Variants in G6PC3 observed in about 807,000 individuals in gnomAD.
The protein encoded by G6PC3 is glucose-6-phosphatase catalytic subunit 3.
Under a neutral mutation model 38.6 loss-of-function variants are expected in G6PC3, and 30 were observed. That is an observed-to-expected ratio of 0.78 (90% CI 0.58 to 1.05). The LOEUF is 1.05. Ranked by LOEUF, G6PC3 falls within the 50% of genes least tolerant of loss-of-function variation. The pLI is 0.00. For missense variants in G6PC3, 377 were observed against 443.1 expected (o/e 0.85, Z 1.34); for synonymous variants, 192 against 178.1 (o/e 1.08, Z -0.62).
Position 44,076,063 on chromosome 17 carries a change from T to G in G6PC3, c.*20T>G. The G allele has an allele frequency of 6.2e-7, 1 of 1,611,082 alleles. No homozygotes were observed. Among genetic ancestry groups the G allele is most frequent in the South Asian group, 1.1e-5 (1 of 91,018 alleles). ...TCCTGACTTCTTGTGTGCCTCCCTT[T>G]CCTTTCCCTCCCACAAAGCCAACAC... On this transcript the variant is annotated 3_prime_UTR_variant, in exon 6 of 6. Coordinates refer to ENST00000269097, the MANE Select transcript of G6PC3 (RefSeq NM_138387.4).
intron 5 of G6PC3, 102 bp downstream of exon 5, chr17:44,075,553 TACCTATTC>T: frequency 6.3e-7 from 1 of 1,597,378 alleles, no homozygotes; most frequent in Admixed American, 1.7e-5. Context: ...AAGGACACAT[TACCTATTC>T]ACATAGACCC....
chr17:44,073,949 A>AT, intron 1 of G6PC3: 1 of 598,432 alleles, frequency 1.7e-6, no homozygotes, highest in Non-Finnish European at 3.0e-6. Flanking sequence ...GAAAAAAAAA[A>AT]GAAAAGAAAT....
chr17:44,070,791 G>A lies in G6PC3; in HGVS notation c.-175G>A. ...AGGAAACAGTACCGGCTGGAGGCCG[G>A]TCTTGCAGGAGCGGGGGACTGCTGG... On this transcript the variant is annotated 5_prime_UTR_variant, in exon 1 of 6. Transcript: ENST00000269097. 1 of 718,816 alleles carries A rather than the reference G, an allele frequency of 1.4e-6. No homozygotes were observed. Among genetic ancestry groups the A allele is most frequent in the Non-Finnish European group, 2.4e-6 (1 of 410,730 alleles). The allele number at this position is 718,816 out of a possible 1,614,324, so 44.5% of individuals were successfully genotyped here.
rs75887218 is a variant in G6PC3 at position 44,075,523 on chromosome 17, C to G, written c.677+72C>G. Reference sequence around the variant, plus strand: ...CGCCTGCACCTAGCCTGGTGTGTCTCTGGTTCATTATAGCTAAAAAAGGAC... The same window carrying G: ...CGCCTGCACCTAGCCTGGTGTGTCTGTGGTTCATTATAGCTAAAAAAGGAC... On this transcript the variant is annotated intron_variant, in intron 5 of 5. Coordinates refer to ENST00000269097, the MANE Select transcript of G6PC3 (RefSeq NM_138387.4). The G allele has an allele frequency of 1.8e-3, 2,891 of 1,607,304 alleles. 51 individuals are homozygous for G. In the African/African-American group the frequency reaches 0.034, roughly 19 times the overall value.
intron 1 of G6PC3, chr17:44,071,569 T>C (rs2049979090): frequency 2.2e-6 from 2 of 923,858 alleles, no homozygotes; most frequent in Non-Finnish European, 3.0e-6. Context: ...TAGTGGAGAG[T>C]CCTACCTCTC....
rs2144134939 is a variant in G6PC3, at chr17:44,071,010, A to G, written c.45A>G (p.Leu15=). Residue 15 remains leucine (L), a synonymous_variant, in exon 1 of 6, where the codon CTA becomes CTG. Transcript: ENST00000269097. The part of the protein sequence containing the change: ...LGAGIVIAEA[L]QNQLAWLENV... The stretch of plus-strand genomic sequence containing the variant: ...CGGGCATCGTGATAGCCGAGGCGCT[A>G]CAGAACCAGCTAGCCTGGCTGGAGA... 1 of 1,570,620 alleles carries G rather than the reference A, an allele frequency of 6.4e-7. No homozygotes were observed. The highest frequency in any genetic ancestry group is 1.2e-5 in the South Asian group (1 of 86,234).
At chr17:44,071,822 G>A (rs1221211203) in intron 1 of G6PC3, 2 of 448,840 alleles carry the variant, frequency 4.5e-6, no homozygotes, top group Admixed American at 4.9e-5. Flanking sequence ...GTGATTCCCT[G>A]TGCGTATGCA....
In G6PC3 at chr17:44,071,065, G is replaced by C; in HGVS notation, c.100G>C (p.Asp34His). 6.2e-7 allele frequency: 1 copy of C among 1,611,094 alleles called. No individual in the cohort carries two copies. The highest frequency in any genetic ancestry group is 8.5e-7 in the Non-Finnish European group (1 of 1,178,690). ...NVWLWITFLGDPKILFLFYFP... is the reference protein window; with the variant it reads ...NVWLWITFLGHPKILFLFYFP... ...GTGGCTCTGGATCACCTTTCTGGGC[G>C]ATCCCAAGATCCTCTTTCTGTTCTA... The change falls in exon 1 of 6, where the codon GAT becomes CAT. Residue 34 changes from aspartate (D) to histidine (H), a missense_variant. Coordinates refer to ENST00000269097, the MANE Select transcript of G6PC3 (RefSeq NM_138387.4).
intron 3 of G6PC3, 22 bp downstream of exon 3, chr17:44,074,792 C>A (rs922735318): frequency 6.2e-7 from 1 of 1,604,786 alleles, no homozygotes; most frequent in African/African-American, 1.3e-5. Context: ...GCATTGCCCA[C>A]CATTGGGAGC....
rs2050026400 is a variant in G6PC3 at position 44,073,915 on chromosome 17, G to C, written c.219-245G>C. Reference sequence around the variant, plus strand: ...GGCCCCAGACTAGTTTTTAAAAATAGTGTTTCCACAGGCTGAGGGTTAGGA... The same window carrying C: ...GGCCCCAGACTAGTTTTTAAAAATACTGTTTCCACAGGCTGAGGGTTAGGA... On this transcript the variant is annotated intron_variant, in intron 1 of 5. Transcript: ENST00000269097. The C allele has an allele frequency of 2.0e-5, 10 of 491,926 alleles. No individual in the cohort carries two copies. The South Asian group carries it at 2.1e-4, about 10-fold the overall frequency. The allele number at this position is 491,926 out of a possible 1,614,324, so 30.5% of individuals were successfully genotyped here. A position where few individuals can be genotyped will look rare whatever the true frequency, so the allele number is the denominator to read the frequency against.
chr17:44,071,398 G>C (rs919893732), intron 1 of G6PC3: 3 of 790,246 alleles, frequency 3.8e-6, no homozygotes, highest in Admixed American at 2.9e-5. Flanking sequence ...CTTCAAACTG[G>C]TCTGATGGAA....
chr17:44,071,415 C>T, intron 1 of G6PC3: 1 of 711,504 alleles, frequency 1.4e-6, no homozygotes, highest in Middle Eastern at 4.1e-4. Flanking sequence ...GGAAAAATCA[C>T]CTAAGGGGCG....
chr17:44,071,151 C>G lies in G6PC3; in HGVS notation c.186C>G (p.Leu62=). 1 of 1,613,982 alleles carries G rather than the reference C, an allele frequency of 6.2e-7. No homozygotes were observed. Among genetic ancestry groups the G allele is most frequent in the Non-Finnish European group, 8.5e-7 (1 of 1,180,010 alleles). The stretch of plus-strand genomic sequence containing the variant: ...GCATCGCGGTGCTCTGGATCAGCCT[C>G]ATCACCGAGTGGCTCAACCTCATCT... The part of the protein sequence containing the change: ...RVGIAVLWIS[L]ITEWLNLIFK... The change falls in exon 1 of 6, where the codon CTC becomes CTG. Residue 62 remains leucine, a synonymous_variant. Transcript: ENST00000269097.
intron 1 of G6PC3, chr17:44,071,546 A>G (rs2049978539): frequency 2.9e-6 from 2 of 688,102 alleles, no homozygotes; most frequent in African/African-American, 3.8e-5. Context: ...TTTAACAAAT[A>G]TGGTGATTTA....
At position 44,074,807 on chromosome 17, in the gene G6PC3, G is replaced by T. The variant is rs753285928; in HGVS notation, c.416+37G>T. ...GCATTGCCCACCATTGGGAGCAGGG[G>T]TGATGGCACCCTGTACCTAATAGAC... is the stretch of plus-strand genomic sequence containing the variant. On this transcript the variant is annotated intron_variant, in intron 3 of 5. Transcript: ENST00000269097. The T allele has an allele frequency of 7.0e-6, 11 of 1,578,358 alleles. No individual in the cohort carries two copies. In the African/African-American group the frequency reaches 1.5e-4, roughly 21 times the overall value.
Position 44,074,951 on chromosome 17 carries a change from T to TGCCTCTC in G6PC3, c.417-17_417-11dup. 6.2e-7 allele frequency: 1 copy of TGCCTCTC among 1,603,958 alleles called. No individual in the cohort carries two copies. The highest frequency in any genetic ancestry group is 8.5e-7 in the Non-Finnish European group (1 of 1,170,638). On this transcript the variant is annotated splice_polypyrimidine_tract_variant and intron_variant, in intron 3 of 5. Coordinates refer to ENST00000269097, the MANE Select transcript of G6PC3 (RefSeq NM_138387.4). Reference sequence around the variant, plus strand: ...GTGTATGGACACGCTCTGAGCTCCTTGCCTCTCTTCTTTCTAGCCGCTGGG... The same window carrying TGCCTCTC: ...GTGTATGGACACGCTCTGAGCTCCTTGCCTCTCGCCTCTCTTCTTTCTAGCCGCTGGG...
chr17:44,074,302 G>C, intron 2 of G6PC3, 36 bp downstream of exon 2: 5 of 1,495,128 alleles, frequency 3.3e-6, no homozygotes, highest in Non-Finnish European at 3.7e-6. Flanking sequence ...TTCCCAATGT[G>C]GTTAGGGTTC....
At chr17:44,073,155 A>T (rs1012977989) in intron 1 of G6PC3, 5 of 152,026 alleles carry the variant, frequency 3.3e-5, no homozygotes, top group African/African-American at 4.8e-5. Flanking sequence ...GGATTTTGAC[A>T]TTTTTTTGTC....
At chr17:44,073,350 A>T (rs2050017079) in intron 1 of G6PC3, 1 of 152,560 alleles carries the variant, frequency 6.6e-6, no homozygotes, top group African/African-American at 2.4e-5. Context: ...TGTGGATGAT[A>T]AGAGCTGGCC....
Sources: gnomAD v4.1 joint callset for allele counts on GRCh38, gnomAD v4.1.1 for gene constraint, MANE v1.5 for transcripts, NCBI Gene and HGNC (gene_info 2026-07-23, HGNC 2026-07-21) for gene names.